Variants in ANO4 observed in about 807,000 individuals in gnomAD.
ANO4 encodes anoctamin 4.
Under a neutral mutation model 141.9 loss-of-function variants are expected in ANO4, and 69 were observed. That is an observed-to-expected ratio of 0.49 (90% CI 0.40 to 0.59). The LOEUF is 0.59. Ranked by LOEUF, ANO4 falls within the 20% of genes least tolerant of loss-of-function variation. ANO4 has a pLI of 0.00. For missense variants in ANO4, 894 were observed against 1,162.2 expected (o/e 0.77, Z 3.36); for synonymous variants, 350 against 394.3 (o/e 0.89, Z 1.33).
chr12:101,123,726 G>C (rs1419349894), intron 26 of ANO4, among the ~76,000 whole-genome samples: 1 of 152,056 alleles, frequency 6.6e-6, no homozygotes, highest in African/African-American at 2.4e-5. Context: ...TCATTGATGG[G>C]CATTTGGGTT....
chr12:100,982,867 CA>C (rs949445473), intron 7 of ANO4, among the ~76,000 whole-genome samples: 15 of 152,226 alleles, frequency 9.9e-5, no homozygotes, highest in African/African-American at 3.6e-4. Context: ...TATTATCACC[CA>C]AATCACCAAC....
intron 1 of ANO4, among the ~76,000 whole-genome samples, chr12:100,900,968 C>G (rs1436784464): frequency 1.3e-5 from 2 of 152,164 alleles, no homozygotes; most frequent in African/African-American, 4.8e-5. Context: ...AGTTGATATG[C>G]ATCAGTAGAT....
At chr12:101,119,482 G>A (rs1272242907) in intron 25 of ANO4, among the ~76,000 whole-genome samples, 2 of 151,928 alleles carry the variant, frequency 1.3e-5, no homozygotes, top group African/African-American at 4.8e-5. Context: ...ATATAGGAAT[G>A]ACCAGCCTGT....
At chr12:100,851,175 C>T (rs985779509) in intron 1 of ANO4, among the ~76,000 whole-genome samples, 2 of 152,166 alleles carry the variant, frequency 1.3e-5, no homozygotes, top group Non-Finnish European at 2.9e-5. Flanking sequence ...ATTTATACCT[C>T]CATCATCAAT....
chr12:101,009,065 A>G (rs2045979215), intron 8 of ANO4, among the ~76,000 whole-genome samples: 1 of 152,142 alleles, frequency 6.6e-6, no homozygotes, highest in South Asian at 2.1e-4. Flanking sequence ...TATGGGTCAA[A>G]TTGTGACCTT....
chr12:100,752,269 G>T (rs1324821570), intron 3 of ANO4, among the ~76,000 whole-genome samples: 2 of 151,802 alleles, frequency 1.3e-5, no homozygotes, highest in Non-Finnish European at 2.9e-5. Context: ...TTAGCCTATG[G>T]CTTTCAACAT....
chr12:100,910,610 G>C (rs982261511), intron 2 of ANO4, among the ~76,000 whole-genome samples: 2 of 152,086 alleles, frequency 1.3e-5, no homozygotes, highest in African/African-American at 4.8e-5. Context: ...GTAAACTGAA[G>C]CACTGATTTT....
At chr12:100,961,871 G>T (rs762960407) in intron 5 of ANO4, among the ~76,000 whole-genome samples, 30 of 152,150 alleles carry the variant, frequency 2.0e-4, no homozygotes, top group Non-Finnish European at 4.3e-4. Flanking sequence ...GGGGTTATTA[G>T]TTGCTGCAAC....
intron 26 of ANO4, among the ~76,000 whole-genome samples, chr12:101,123,477 C>A (rs976488443): frequency 1.3e-5 from 2 of 151,106 alleles, no homozygotes; most frequent in African/African-American, 4.9e-5. Flanking sequence ...TCCCCCACCC[C>A]CACCCCCAAC....
At chr12:100,967,381 C>G (rs899184413) in intron 5 of ANO4, among the ~76,000 whole-genome samples, 1 of 152,036 alleles carries the variant, frequency 6.6e-6, no homozygotes, top group African/African-American at 2.4e-5. Context: ...AATCATTTGG[C>G]AGTAGAGAAA....
chr12:101,121,188 G>A (rs946757256), intron 26 of ANO4, among the ~76,000 whole-genome samples: 7 of 152,126 alleles, frequency 4.6e-5, no homozygotes, highest in African/African-American at 1.4e-4. Flanking sequence ...AGCGAGCATA[G>A]TATTCAATAG....
At chr12:101,103,181 TTTTATATATATATA>T (rs1381756461) in intron 22 of ANO4, among the ~76,000 whole-genome samples, 6,304 of 90,552 alleles carry the variant, frequency 0.07, 696 homozygotes, top group Admixed American at 0.091. Flanking sequence ...TTTTTAGTCA[TTTTATATATATATA>T]TATATATATA....
At chr12:100,919,726 G>GTATGTA (rs2041531645) in intron 2 of ANO4, among the ~76,000 whole-genome samples, 3 of 132,098 alleles carry the variant, frequency 2.3e-5, no homozygotes, top group African/African-American at 9.0e-5. Context: ...GTATGTATGT[G>GTATGTA]TGTATGTATG....
chr12:100,945,737 G>A (rs2042692584), intron 5 of ANO4, among the ~76,000 whole-genome samples: 1 of 152,156 alleles, frequency 6.6e-6, no homozygotes. Flanking sequence ...TCCCGCTTCA[G>A]AATCATGTGA....
intron 1 of ANO4, among the ~76,000 whole-genome samples, chr12:100,867,594 T>C (rs1376553056): frequency 9.1e-6 from 1 of 110,108 alleles, no homozygotes; most frequent in Non-Finnish European, 1.9e-5. Context: ...AAAAACTCTC[T>C]CTCTGTCTCT....
chr12:100,739,951 C>A lies in ANO4; in HGVS notation c.204C>A (p.Phe68Leu), dbSNP rs765634291. The stretch of plus-strand genomic sequence containing the variant: ...CCCTCCCATCAGATCTGCCTCTCTT[C>A]GTCTCCAAAGATGCAGGCATCCCTG... The change falls in exon 3 of 30, where the codon TTC becomes TTA. Residue 68 changes from phenylalanine (F) to leucine (L), a missense_variant. Physicochemically the swap from Phe to Leu is conservative, Grantham distance 22. Transcript: ENST00000644049. The A allele has an allele frequency of 1.0e-5, 7 of 702,578 alleles. 1 individual carries two copies. In the South Asian group the frequency reaches 1.0e-4, roughly 10 times the overall value. 43.5% of individuals were successfully genotyped at this position (702,578 alleles called of 1,614,324 possible). A position where few individuals can be genotyped will look rare whatever the true frequency, so the allele number is the denominator to read the frequency against.
chr12:100,728,648 G>A (rs191813313), intron 1 of ANO4, among the ~76,000 whole-genome samples: 1 of 152,180 alleles, frequency 6.6e-6, no homozygotes, highest in East Asian at 1.9e-4. Context: ...TTAAATAATG[G>A]GTATAAGTGA....
Position 101,110,570 on chromosome 12 carries a change from G to A in ANO4, c.2302+14G>A. On this transcript the variant is annotated intron_variant, in intron 23 of 27. Transcript: ENST00000392977. ...CCAAAGACATAGGTAAGTTGGATTT[G>A]GGTATGTTTTTAAAAAACATATTAA... 4.6e-6 allele frequency: 7 copies of A among 1,530,930 alleles called. No homozygotes were observed. The highest frequency in any genetic ancestry group is 6.1e-6 in the Non-Finnish European group (7 of 1,141,634). The allele number at this position is 1,530,930 out of a possible 1,614,324, so 94.8% of individuals were successfully genotyped here.
At chr12:100,784,382 TG>T (rs2033800638) in intron 3 of ANO4, among the ~76,000 whole-genome samples, 1 of 152,196 alleles carries the variant, frequency 6.6e-6, no homozygotes, top group African/African-American at 2.4e-5. Flanking sequence ...TTCATTGATA[TG>T]GTACTCTTCC....
Sources: allele counts gnomAD v4.1 joint callset (sites outside exome capture counted in the v4.1 genomes callset), GRCh38; gene constraint gnomAD v4.1.1; transcripts MANE v1.5; gene names NCBI Gene and HGNC (gene_info 2026-07-23, HGNC 2026-07-21).